MMP27: variants seen among roughly 807,000 people sequenced by gnomAD.
MMP27 encodes matrix metallopeptidase 27.
Under a neutral mutation model 48.1 loss-of-function variants are expected in MMP27, and 51 were observed. The observed-to-expected ratio is 1.06, with a 90% CI of 0.85 to 1.34. MMP27 has a LOEUF of 1.34. Among genes scored for constraint, MMP27 ranks in the 40% most tolerant of loss-of-function variants. MMP27 has a pLI of 0.00. For missense variants in MMP27, 698 were observed against 619.3 expected, an observed-to-expected ratio of 1.13 and a Z score of -1.35; for synonymous variants, 229 against 208.9, an observed-to-expected ratio of 1.10 and a Z score of -0.83.
In MMP27 at chr11:102,695,023, G is replaced by A; in HGVS notation, c.977C>T (p.Pro326Leu). Reference protein sequence around the residue: ...ELIASFWPSLPADLQAAYENP... With the variant: ...ELIASFWPSLLADLQAAYENP... ...CTCGTATGCAGCTTGCAGATCAGCT[G>A]GCAGAGATGGCCAGAATGAAGCAAT... The change falls in exon 7 of 10, where the codon CCA becomes CTA. Residue 326 changes from proline to leucine, a missense_variant. By Grantham distance (98) the Pro-to-Leu change is moderately conservative. Transcript: ENST00000260229. The A allele has an allele frequency of 6.2e-7, 1 of 1,613,950 alleles. No homozygotes were observed. Among genetic ancestry groups the A allele is most frequent in the Non-Finnish European group, 8.5e-7 (1 of 1,179,950 alleles).
At position 102,704,883 on chromosome 11, in the gene MMP27, AG is replaced by A. The variant is rs79750859; in HGVS notation, c.103-109del. 4.8e-4 allele frequency: 312 copies of A among 655,782 alleles called. 1 individual carries two copies. The highest frequency in any genetic ancestry group is 6.0e-4 in the Non-Finnish European group (233 of 387,238). 40.6% of individuals were successfully genotyped at this position (655,782 alleles called of 1,614,324 possible). The stretch of plus-strand genomic sequence containing the variant: ...CTAAAATTCCTTCTGGCAATAGGAA[AG>A]GGGAAAAAAAAGAAGTAATGAGAGA... On this transcript the variant is annotated intron_variant, in intron 1 of 9. Transcript: ENST00000260229.
At chr11:102,694,730 A>T (rs759188867) in intron 7 of MMP27, among the ~76,000 whole-genome samples, 1 of 152,066 alleles carries the variant, frequency 6.6e-6, no homozygotes, top group Admixed American at 6.5e-5. Context: ...AGAAAAAGAG[A>T]CTTTTTTAGT....
chr11:102,705,096 TAC>T (rs1251871068), intron 1 of MMP27, among the ~76,000 whole-genome samples: 6 of 152,248 alleles, frequency 3.9e-5, no homozygotes, highest in Admixed American at 3.9e-4. Flanking sequence ...TGACCTATCT[TAC>T]ATATTTTTGC....
Position 102,691,616 on chromosome 11 carries a change from T to C in MMP27, c.*150A>G, listed in dbSNP as rs888744905. ...TTTTTGTTTCTACATAATAACTTCCTATTAAAAGAATCAGGCAGCTCAAAA... is the reference window on the plus strand; with the variant it reads ...TTTTTGTTTCTACATAATAACTTCCCATTAAAAGAATCAGGCAGCTCAAAA... On this transcript the variant is annotated 3_prime_UTR_variant, in exon 10 of 10. Coordinates refer to ENST00000260229, the MANE Select transcript of MMP27 (RefSeq NM_022122.3). 5.7e-5 allele frequency: 36 copies of C among 629,880 alleles called. 1 individual carries two copies. Among genetic ancestry groups the C allele is most frequent in the Non-Finnish European group, 3.6e-5 (14 of 390,358 alleles). The allele number at this position is 629,880 out of a possible 1,614,324, so 39.0% of individuals were successfully genotyped here. A position where few individuals can be genotyped will look rare whatever the true frequency, so the allele number is the denominator to read the frequency against.
chr11:102,702,574 A>T (rs1860960832), intron 4 of MMP27, among the ~76,000 whole-genome samples, 179 bp downstream of exon 4: 1 of 152,230 alleles, frequency 6.6e-6, no homozygotes, highest in African/African-American at 2.4e-5. Context: ...CTCTGATCAT[A>T]GTAGAAGTAG....
Position 102,691,624 on chromosome 11 carries a change from G to T in MMP27, c.*142C>A. 3 of 676,044 alleles carry T rather than the reference G, an allele frequency of 4.4e-6. No homozygotes were observed. Among genetic ancestry groups the T allele is most frequent in the South Asian group, 5.0e-5 (2 of 39,836 alleles). 41.9% of individuals were successfully genotyped at this position (676,044 alleles called of 1,614,324 possible). On this transcript the variant is annotated 3_prime_UTR_variant, in exon 10 of 10. Coordinates refer to ENST00000260229, the MANE Select transcript of MMP27 (RefSeq NM_022122.3). ...TCTACATAATAACTTCCTATTAAAA[G>T]AATCAGGCAGCTCAAAATGGCCATT...
intron 4 of MMP27, among the ~76,000 whole-genome samples, chr11:102,697,827 T>C (rs956852528): frequency 6.6e-6 from 1 of 152,176 alleles, no homozygotes; most frequent in African/African-American, 2.4e-5. Context: ...TTTTAAAATT[T>C]TGGACTTTAT....
Position 102,694,589 on chromosome 11 carries a change from G to GAT in MMP27, c.1033+376_1033+377dup, listed in dbSNP as rs150032812. Reference sequence around the variant, plus strand: ...TAAATAAATACAAAATATTTTAAGGGATATATATATATACCAAAAAATTAT... The same window carrying GAT: ...TAAATAAATACAAAATATTTTAAGGGATATATATATATATACCAAAAAATTAT... On this transcript the variant is annotated intron_variant, in intron 7 of 9. Coordinates refer to ENST00000260229, the MANE Select transcript of MMP27 (RefSeq NM_022122.3). Among the ~76,000 whole-genome samples the GAT allele has an allele frequency of 7.4e-4, 112 of 151,396 alleles. 1 individual carries two copies. Among genetic ancestry groups the GAT allele is most frequent in the African/African-American group, 1.7e-3 (71 of 41,292 alleles).
chr11:102,699,031 G>T (rs56163565), intron 4 of MMP27, among the ~76,000 whole-genome samples: 28,387 of 152,100 alleles, frequency 0.19, 3,061 homozygotes, highest in East Asian at 0.49. Flanking sequence ...GGATGTCCAA[G>T]TGTTGTCTAA....
At chr11:102,697,750 C>T (rs1053815650) in intron 4 of MMP27, among the ~76,000 whole-genome samples, 8 of 152,138 alleles carry the variant, frequency 5.3e-5, no homozygotes, top group African/African-American at 1.7e-4. Flanking sequence ...AGCAATCCTC[C>T]GGCTTGGTCT....
At position 102,704,787 on chromosome 11, in the gene MMP27, G is replaced by GAA; in HGVS notation, c.103-13_103-12insTT. On this transcript the variant is annotated splice_polypyrimidine_tract_variant and intron_variant, in intron 1 of 9. Transcript: ENST00000260229. The stretch of plus-strand genomic sequence containing the variant: ...TGGTTGAGATATGCCTGACCAAAAA[G>GAA]ATAAGAAAAAAAAAAAAGAGGCACA... 7.3e-7 allele frequency: 1 copy of GAA among 1,377,054 alleles called. No homozygotes were observed. The highest frequency in any genetic ancestry group is 9.7e-7 in the Non-Finnish European group (1 of 1,033,948). 85.3% of individuals were successfully genotyped at this position (1,377,054 alleles called of 1,614,324 possible).
chr11:102,695,656 G>C (rs1011509142), intron 6 of MMP27, among the ~76,000 whole-genome samples: 1 of 152,154 alleles, frequency 6.6e-6, no homozygotes, highest in South Asian at 2.1e-4. Context: ...GATAACATGT[G>C]ATTGTAACGC....
chr11:102,691,502 T>G lies in MMP27; in HGVS notation c.*264A>C, dbSNP rs2134257713. The G allele has an allele frequency of 3.4e-6, 1 of 297,404 alleles. No individual in the cohort carries two copies. The highest frequency in any genetic ancestry group is 5.4e-5 in the South Asian group (1 of 18,676). 18.4% of individuals were successfully genotyped at this position (297,404 alleles called of 1,614,324 possible). A position where few individuals can be genotyped will look rare whatever the true frequency, so the allele number is the denominator to read the frequency against. ...CCAGACAAAATAGAATGCTAAAGAT[T>G]GGTTTAATAAATGTTTCAGTATTCA... On this transcript the variant is annotated 3_prime_UTR_variant, in exon 10 of 10. Transcript: ENST00000260229.
intron 4 of MMP27, 95 bp from the exon 5 acceptor site, chr11:102,696,930 AGGC>A: frequency 1.5e-6 from 2 of 1,332,798 alleles, no homozygotes; most frequent in Non-Finnish European, 2.0e-6. Flanking sequence ...AATGAAATAA[AGGC>A]TTGCTATACA....
chr11:102,699,116 A>G (rs185631745), intron 4 of MMP27, among the ~76,000 whole-genome samples: 36 of 152,250 alleles, frequency 2.4e-4, no homozygotes, highest in African/African-American at 7.7e-4. Flanking sequence ...GCATGTTAGA[A>G]TTGCCTTTGT....
chr11:102,693,642 G>A (rs970983700), intron 8 of MMP27, among the ~76,000 whole-genome samples: 7 of 151,992 alleles, frequency 4.6e-5, no homozygotes, highest in Non-Finnish European at 8.8e-5. Flanking sequence ...AATTAGCCAG[G>A]CGTGGTGGCA....
intron 4 of MMP27, among the ~76,000 whole-genome samples, chr11:102,698,076 T>C (rs1401032838): frequency 6.6e-6 from 1 of 151,382 alleles, no homozygotes; most frequent in African/African-American, 2.4e-5. Flanking sequence ...TCTTTCTTTC[T>C]TTTTTTTTGT....
rs1330299959 is a variant in MMP27, at chr11:102,696,395, C to T, written c.878G>A (p.Arg293Lys). The T allele has an allele frequency of 6.2e-7, 1 of 1,613,630 alleles. No individual in the cohort carries two copies. The highest frequency in any genetic ancestry group is 1.3e-5 in the African/African-American group (1 of 74,880). Residue 293 changes from arginine to lysine, a missense_variant, in exon 6 of 10, where the codon AGA becomes AAA. Coordinates refer to ENST00000260229, the MANE Select transcript of MMP27 (RefSeq NM_022122.3). ...CCTGCCTTTAAAGAACATTACTTCTCTGCGGAAAGTTGTGATAGCGTCAAA... is the reference window on the plus strand; with the variant it reads ...CCTGCCTTTAAAGAACATTACTTCTTTGCGGAAAGTTGTGATAGCGTCAAA... Reference protein sequence around the residue: ...LTFDAITTFRREVMFFKGRHL... With the variant: ...LTFDAITTFRKEVMFFKGRHL...
At position 102,691,956 on chromosome 11, in the gene MMP27, T is replaced by C. The variant is rs771162079; in HGVS notation, c.1352A>G (p.Lys451Arg). The C allele has an allele frequency of 3.1e-6, 5 of 1,612,794 alleles. No homozygotes were observed. The highest frequency in any genetic ancestry group is 4.2e-6 in the Non-Finnish European group (5 of 1,179,444). ...SKQFEYDIKT[K>R]NITRIMRTNT... ...AGTTCTCATGATTCGGGTAATATTCTTTGTCTTAATGTCGTATTCAAATTG... is the reference window on the plus strand; with the variant it reads ...AGTTCTCATGATTCGGGTAATATTCCTTGTCTTAATGTCGTATTCAAATTG... Residue 451 changes from lysine (K) to arginine (R), a missense_variant, in exon 10 of 10, where the codon AAG becomes AGG. Coordinates refer to ENST00000260229, the MANE Select transcript of MMP27 (RefSeq NM_022122.3).
Sources: gnomAD v4.1 joint callset for allele counts (sites outside exome capture counted in the v4.1 genomes callset) on GRCh38, gnomAD v4.1.1 for gene constraint, MANE v1.5 for transcripts, NCBI Gene and HGNC (gene_info 2026-07-23, HGNC 2026-07-21) for gene names.